Variants in HELZ observed in about 807,000 individuals in gnomAD.
HELZ encodes helicase with zinc finger.
In HELZ, 23 loss-of-function variants were observed where a neutral mutation model predicts 218.2. That is an observed-to-expected ratio of 0.11 (90% CI 0.08 to 0.15). The LOEUF is 0.15. HELZ is among the 10% of genes least tolerant of loss of function. HELZ has a pLI of 1.00. For synonymous variants in HELZ, 814 were observed against 829.4 expected (o/e 0.98, Z 0.32); for missense variants, 1,813 against 2,353.7 (o/e 0.77, Z 4.75).
chr17:67,208,339 T>C (rs746474261), intron 5 of HELZ, among the ~76,000 whole-genome samples: 1 of 152,114 alleles, frequency 6.6e-6, no homozygotes, highest in Non-Finnish European at 1.5e-5. Context: ...CTTAATTGTA[T>C]TCGTGGTTAA....
intron 26 of HELZ, among the ~76,000 whole-genome samples, chr17:67,122,234 C>T (rs951414059): frequency 1.3e-5 from 2 of 152,110 alleles, no homozygotes; most frequent in African/African-American, 4.8e-5. Flanking sequence ...GAAACCCTGT[C>T]TCTACCAATA....
At chr17:67,164,666 G>A (rs2039088649) in intron 15 of HELZ, among the ~76,000 whole-genome samples, 1 of 152,078 alleles carries the variant, frequency 6.6e-6, no homozygotes, top group Non-Finnish European at 1.5e-5. Context: ...AATAAGTACA[G>A]GGCAAATTAA....
intron 21 of HELZ, among the ~76,000 whole-genome samples, chr17:67,142,401 G>C (rs1290876434): frequency 2.0e-5 from 3 of 152,094 alleles, no homozygotes; most frequent in East Asian, 3.9e-4. Context: ...CAGCTACTTA[G>C]GAGGCTGAGG....
chr17:67,199,024 T>C (rs2040099397), intron 7 of HELZ, among the ~76,000 whole-genome samples: 1 of 152,152 alleles, frequency 6.6e-6, no homozygotes, highest in South Asian at 2.1e-4. Flanking sequence ...GATGTAAAGT[T>C]GGTAATTCAA....
intron 12 of HELZ, among the ~76,000 whole-genome samples, chr17:67,182,400 GC>G (rs2039639786): frequency 6.6e-6 from 1 of 152,068 alleles, no homozygotes; most frequent in South Asian, 2.1e-4. Context: ...AGCCAACACT[GC>G]ACCACTGTAT....
intron 12 of HELZ, among the ~76,000 whole-genome samples, chr17:67,181,651 T>A (rs1384033567): frequency 6.6e-6 from 1 of 152,184 alleles, no homozygotes; most frequent in Admixed American, 6.5e-5. Flanking sequence ...ATTTACTTTT[T>A]TTAATGACTT....
intron 23 of HELZ, among the ~76,000 whole-genome samples, chr17:67,131,211 T>C (rs542847288): frequency 6.6e-6 from 1 of 152,284 alleles, no homozygotes; most frequent in Non-Finnish European, 1.5e-5. Flanking sequence ...TTAATATCAA[T>C]TTCTTATTAC....
chr17:67,163,500 G>A (rs145304678), intron 15 of HELZ, among the ~76,000 whole-genome samples: 2 of 151,964 alleles, frequency 1.3e-5, no homozygotes, highest in South Asian at 2.1e-4. Context: ...CAGGGTTCAC[G>A]CCATTCTCCT....
At chr17:67,245,913 G>T (rs2041470411), upstream of HELZ, 1 of 152,224 alleles carries the variant, frequency 6.6e-6, no homozygotes, top group Admixed American at 6.5e-5. Context: ...TGTGGCTCCA[G>T]GCTCCGCGGA....
chr17:67,138,234 A>G, intron 21 of HELZ, 120 bp from the exon 22 acceptor site: 1 of 740,246 alleles, frequency 1.4e-6, no homozygotes, highest in Non-Finnish European at 2.0e-6. Flanking sequence ...TTAAAAAAAA[A>G]AAAAAACTAC....
intron 5 of HELZ, 103 bp downstream of exon 5, chr17:67,215,796 G>T: frequency 2.6e-6 from 2 of 772,348 alleles, no homozygotes; most frequent in Admixed American, 2.1e-5. Context: ...ACAGTAAGGT[G>T]GGCTTTTCAA....
intron 5 of HELZ, among the ~76,000 whole-genome samples, chr17:67,207,685 T>C (rs1187659582): frequency 4.6e-5 from 7 of 152,290 alleles, no homozygotes; most frequent in Middle Eastern, 3.4e-3. Flanking sequence ...ACTGCTTAGA[T>C]ATAATCATGC....
At chr17:67,241,411 A>T (rs2041311117) in intron 2 of HELZ, among the ~76,000 whole-genome samples, 1 of 152,194 alleles carries the variant, frequency 6.6e-6, no homozygotes. Flanking sequence ...TCTACATTCA[A>T]TATTAATGCC....
At chr17:67,212,901 C>A (rs766552416) in intron 5 of HELZ, among the ~76,000 whole-genome samples, 2 of 152,154 alleles carry the variant, frequency 1.3e-5, no homozygotes, top group Non-Finnish European at 2.9e-5. Flanking sequence ...AAGCTGCATT[C>A]CATTCCATAC....
intron 13 of HELZ, among the ~76,000 whole-genome samples, chr17:67,178,279 T>C (rs577102237): frequency 1.3e-5 from 2 of 152,310 alleles, no homozygotes; most frequent in African/African-American, 4.8e-5. Flanking sequence ...CTTTTCAAAA[T>C]ATGTGGTCTC....
chr17:67,180,539 T>G (rs2039577351), intron 12 of HELZ, among the ~76,000 whole-genome samples: 1 of 151,752 alleles, frequency 6.6e-6, no homozygotes, highest in African/African-American at 2.4e-5. Flanking sequence ...AGGTCAGGAG[T>G]TCCAGAACAG....
chr17:67,176,540 G>A (rs2039462604), intron 13 of HELZ: 4 of 152,192 alleles, frequency 2.6e-5, no homozygotes. Flanking sequence ...TCTCCAGATA[G>A]ATCACACAAA....
intron 3 of HELZ, among the ~76,000 whole-genome samples, chr17:67,230,304 A>G (rs2041001666): frequency 6.6e-6 from 1 of 152,196 alleles, no homozygotes; most frequent in Non-Finnish European, 1.5e-5. Context: ...CCCATACTTA[A>G]GAAGCAAGCA....
At chr17:67,168,909 T>C (rs921853842) in intron 13 of HELZ, among the ~76,000 whole-genome samples, 1 of 152,168 alleles carries the variant, frequency 6.6e-6, no homozygotes, top group African/African-American at 2.4e-5. Context: ...CTGGCCAACA[T>C]GGTGAAACCC....
Sources: gnomAD v4.1 joint callset for allele counts (sites outside exome capture counted in the v4.1 genomes callset) on GRCh38, gnomAD v4.1.1 for gene constraint, MANE v1.5 for transcripts, NCBI Gene and HGNC (gene_info 2026-07-23, HGNC 2026-07-21) for gene names.